WRAP73: variants seen among roughly 807,000 people sequenced by gnomAD.
WRAP73 encodes the protein WD repeat containing, antisense to TP73, also known as WD repeat-containing protein WRAP73.
A neutral mutation model predicts 59.6 loss-of-function variants in WRAP73; 55 were observed. That is an observed-to-expected ratio of 0.92 (90% CI 0.74 to 1.15). The LOEUF (loss-of-function observed/expected upper bound fraction) is 1.15, where lower values mean the gene tolerates loss of function less well. Among genes scored for constraint, WRAP73 ranks in the 50% most tolerant of loss-of-function variants. The pLI is 0.00. For synonymous variants in WRAP73, 265 were observed against 258.2 expected (o/e 1.03, Z -0.25); for missense variants, 592 against 608.1 (o/e 0.97, Z 0.28).
chr1:3,631,520 T>C lies in WRAP73; in HGVS notation c.1186A>G (p.Arg396Gly). The C allele has an allele frequency of 6.2e-7, 1 of 1,610,196 alleles. No individual in the cohort carries two copies. Among genetic ancestry groups the C allele is most frequent in the African/African-American group, 1.3e-5 (1 of 75,024 alleles). The change falls in exon 11 of 12, where the codon AGG (arginine) becomes GGG (glycine). Residue 396 changes from arginine (R) to glycine (G), a missense_variant. Coordinates refer to ENST00000270708, the MANE Select transcript of WRAP73 (RefSeq NM_017818.4). Reference protein sequence around the residue: ...PRLAICTGGSRLYLWSPAGCM... With the variant: ...PRLAICTGGSGLYLWSPAGCM... ...CCCGCTGGGGACCACAGGTAGAGCC[T>C]GCTGCCTCCCGTGCAGATGGCCAGC...
chr1:3,645,135 T>C (rs555530773), intron 3 of WRAP73, among the ~76,000 whole-genome samples: 1 of 152,330 alleles, frequency 6.6e-6, no homozygotes, highest in East Asian at 1.9e-4. Context: ...CTGAAAAATA[T>C]GTAAAGCCAT....
rs774658853 is a variant in WRAP73 at position 3,637,015 on chromosome 1, T to G, written c.496A>C (p.Ser166Arg). 6.2e-7 allele frequency: 1 copy of G among 1,613,794 alleles called. No individual in the cohort carries two copies. The highest frequency in any genetic ancestry group is 8.5e-7 in the Non-Finnish European group (1 of 1,180,006). Residue 166 changes from serine to arginine, a missense_variant, in exon 5 of 12, where the codon AGT (serine) becomes CGT (arginine). Ser to Arg is a moderately radical substitution (Grantham distance 110). Transcript: ENST00000270708. ...CTTACCCGCAGGAGCTGCCAATCAC[T>G]GCAGACGAAGATGCTCACGTAATCT... is the stretch of plus-strand genomic sequence containing the variant. ...CKDYVSIFVCSDWQLLRHFDT... is the reference protein window; with the variant it reads ...CKDYVSIFVCRDWQLLRHFDT...
intron 3 of WRAP73, among the ~76,000 whole-genome samples, chr1:3,643,088 G>A (rs1644661985): frequency 6.6e-6 from 1 of 152,240 alleles, no homozygotes; most frequent in Non-Finnish European, 1.5e-5. Context: ...CACCGTCCGT[G>A]GTGACGCACA....
intron 3 of WRAP73, among the ~76,000 whole-genome samples, chr1:3,640,134 G>A (rs1644625313): frequency 1.3e-5 from 2 of 152,206 alleles, no homozygotes; most frequent in South Asian, 4.1e-4. Flanking sequence ...ACGAGCTCCA[G>A]GGGTCACGTG....
chr1:3,637,050 C>A lies in WRAP73; in HGVS notation c.461G>T (p.Arg154Leu). 6.2e-7 allele frequency: 1 copy of A among 1,613,532 alleles called. No homozygotes were observed. ...GATGCTCACGTAATCTTTGCAGTCG[C>A]GCCGTTCTGCCAGCGCCATGTAGCG... ...DGRYMALAER[R>L]DCKDYVSIFV... Residue 154 changes from arginine (R) to leucine (L), a missense_variant, in exon 5 of 12, where the codon CGC becomes CTC. Physicochemically the swap from Arg to Leu is moderately radical, Grantham distance 102. Coordinates refer to ENST00000270708, the MANE Select transcript of WRAP73 (RefSeq NM_017818.4).
chr1:3,649,740 C>T (rs1450675618), intron 1 of WRAP73, among the ~76,000 whole-genome samples, 191 bp downstream of exon 1: 2 of 151,998 alleles, frequency 1.3e-5, no homozygotes, highest in African/African-American at 4.8e-5. Context: ...TCCTGGGTCC[C>T]GCACCTGTCT....
At chr1:3,641,234 C>T (rs1030950305) in intron 3 of WRAP73, among the ~76,000 whole-genome samples, 2 of 152,076 alleles carry the variant, frequency 1.3e-5, no homozygotes, top group Admixed American at 6.5e-5. Flanking sequence ...ATCCACGCTA[C>T]GACCCAGTGT....
In WRAP73 at chr1:3,639,852, AG is replaced by A. The variant is rs1251480437; in HGVS notation, c.340-1031del. Among the ~76,000 whole-genome samples the A allele has an allele frequency of 6.6e-6, 1 of 151,628 alleles. No individual in the cohort carries two copies. The highest frequency in any genetic ancestry group is 1.9e-4 in the East Asian group (1 of 5,138). On this transcript the variant is annotated intron_variant, in intron 3 of 11. Coordinates refer to ENST00000270708, the MANE Select transcript of WRAP73 (RefSeq NM_017818.4). The surrounding 1 kb of genome is among the most constrained non-coding windows in gnomAD (Gnocchi z 4.3). ...ACTGCCAGCTCCGTGTGTGTCAGGC[AG>A]GGGTCCTCGCTGAGGATGAGGCCCG...
intron 8 of WRAP73, 126 bp downstream of exon 8, chr1:3,634,871 A>T: frequency 8.9e-7 from 1 of 1,119,788 alleles, no homozygotes; most frequent in Non-Finnish European, 1.3e-6. Context: ...TCACAGTAGC[A>T]AGTTTACGGT....
chr1:3,635,706 A>G, intron 6 of WRAP73: 1 of 523,764 alleles, frequency 1.9e-6, no homozygotes, highest in Non-Finnish European at 3.4e-6. Flanking sequence ...TTGTGGTCCC[A>G]GCTACTTGGG....
chr1:3,647,288 G>T, intron 2 of WRAP73, 120 bp downstream of exon 2: 1 of 1,099,832 alleles, frequency 9.1e-7, no homozygotes, highest in Non-Finnish European at 1.2e-6. Flanking sequence ...AATTTCAAAA[G>T]AAAACTGGCT....
intron 1 of WRAP73, among the ~76,000 whole-genome samples, chr1:3,649,369 G>A (rs1192555604): frequency 6.6e-6 from 1 of 152,218 alleles, no homozygotes; most frequent in Admixed American, 6.5e-5. Flanking sequence ...AAGAGAATTA[G>A]AGGAGAAGTA....
intron 1 of WRAP73, 143 bp downstream of exon 1, chr1:3,649,788 C>A: frequency 2.4e-6 from 2 of 829,132 alleles, no homozygotes; most frequent in South Asian, 3.8e-5. Context: ...CCCCGGGTAC[C>A]TGCCCGGGCC....
intron 3 of WRAP73, among the ~76,000 whole-genome samples, chr1:3,642,356 C>G (rs1009828714): frequency 1.4e-4 from 22 of 152,228 alleles, no homozygotes; most frequent in African/African-American, 4.8e-4. Context: ...GGTGGACCAA[C>G]AGTGGACTGG....
chr1:3,631,650 A>C lies in WRAP73; in HGVS notation c.1056T>G (p.Ile352Met). The C allele has an allele frequency of 6.3e-7, 1 of 1,592,466 alleles. No homozygotes were observed. Among genetic ancestry groups the C allele is most frequent in the South Asian group, 1.1e-5 (1 of 90,570 alleles). Residue 352 changes from isoleucine (I) to methionine (M), a missense_variant, in exon 11 of 12, where the codon ATT becomes ATG. Physicochemically the swap from Ile to Met is conservative, Grantham distance 10. Coordinates refer to ENST00000270708, the MANE Select transcript of WRAP73 (RefSeq NM_017818.4). ...TGTCCCAGACCCAGACGGCATTGGG[A>C]ATGTTGTCTGAGGAAGGAAGGACAG... ...SYFLATRNDN[I>M]PNAVWVWDIQ... is the part of the protein sequence containing the mutation.
chr1:3,643,521 C>T (rs531433835), intron 3 of WRAP73, among the ~76,000 whole-genome samples: 3 of 152,354 alleles, frequency 2.0e-5, no homozygotes, highest in African/African-American at 7.2e-5. Flanking sequence ...CTCCACAGCA[C>T]CCTCACGTGG....
At chr1:3,638,244 C>T (rs897337790) in intron 4 of WRAP73, among the ~76,000 whole-genome samples, 6 of 152,356 alleles carry the variant, frequency 3.9e-5, no homozygotes, top group South Asian at 2.1e-4. Flanking sequence ...CACCCTGCGC[C>T]GGCCCCCTTT....
At position 3,646,728 on chromosome 1, in the gene WRAP73, C is replaced by G. The variant is rs766997802; in HGVS notation, c.277G>C (p.Gly93Arg). The G allele has an allele frequency of 6.2e-7, 1 of 1,610,304 alleles. No homozygotes were observed. ...WHCKIDEGSA[G>R]LVASCWSPDG... The stretch of plus-strand genomic sequence containing the variant: ...GGGCTCCAGCACGAGGCCACCAGCC[C>G]GGCTGAGCCCTCGTCTATTTTGCAG... Residue 93 changes from glycine to arginine, a missense_variant, in exon 3 of 12, where the codon GGG (glycine) becomes CGG (arginine). By Grantham distance (125) the Gly-to-Arg change is moderately radical. Coordinates refer to ENST00000270708, the MANE Select transcript of WRAP73 (RefSeq NM_017818.4). This position sits in a 1 kb window ranked among gnomAD's most constrained non-coding sequence, Gnocchi z 5.1.
intron 4 of WRAP73, among the ~76,000 whole-genome samples, chr1:3,637,862 G>A (rs761410352): frequency 1.2e-4 from 18 of 152,242 alleles, no homozygotes; most frequent in South Asian, 2.1e-4. Flanking sequence ...TGAAAATGTG[G>A]AAGAAACTTT....
Sources: allele counts gnomAD v4.1 joint callset (sites outside exome capture counted in the v4.1 genomes callset), GRCh38; gene constraint gnomAD v4.1.1; non-coding constraint Gnocchi (gnomAD v3.1); transcripts MANE v1.5; gene names NCBI Gene and HGNC (gene_info 2026-07-23, HGNC 2026-07-21).